The following SEMA3C variants were observed in gnomAD, a reference collection of about 807,000 sequenced individuals.
The protein encoded by SEMA3C is semaphorin-3C.
Under a neutral mutation model 89.4 loss-of-function variants are expected in SEMA3C, and 47 were observed. That is an observed-to-expected ratio of 0.53 (90% CI 0.42 to 0.67). SEMA3C has a LOEUF of 0.67. Among genes scored for constraint, SEMA3C ranks in the 30% least tolerant of loss-of-function variants. SEMA3C has a pLI of 0.00. For synonymous variants in SEMA3C, 310 were observed against 320.2 expected, an observed-to-expected ratio of 0.97 and a Z score of 0.34; for missense variants, 839 against 929.1, an observed-to-expected ratio of 0.90 and a Z score of 1.26.
intron 2 of SEMA3C, among the ~76,000 whole-genome samples, chr7:80,868,782 T>C (rs1020353102): frequency 1.3e-5 from 2 of 152,100 alleles, no homozygotes; most frequent in African/African-American, 2.4e-5. Flanking sequence ...AGCTGATTAC[T>C]GTGTGGTTAT....
At chr7:80,836,401 G>C (rs562858533) in intron 2 of SEMA3C, among the ~76,000 whole-genome samples, 29 of 152,306 alleles carry the variant, frequency 1.9e-4, no homozygotes, top group African/African-American at 7.0e-4. Flanking sequence ...AGCAGTGCTG[G>C]GCGCGGTGGC....
At chr7:80,822,496 G>A (rs1158859398) in intron 4 of SEMA3C, among the ~76,000 whole-genome samples, 1 of 152,062 alleles carries the variant, frequency 6.6e-6, no homozygotes, top group African/African-American at 2.4e-5. Context: ...AAGGGTTAGA[G>A]GATAACTGTG....
chr7:80,795,170 G>A (rs933435041), intron 11 of SEMA3C, among the ~76,000 whole-genome samples: 7 of 152,150 alleles, frequency 4.6e-5, no homozygotes, highest in East Asian at 1.9e-4. Flanking sequence ...TTGGCTGCAG[G>A]TGGTTCGGCT....
chr7:80,918,863 G>A lies in SEMA3C; in HGVS notation c.-74C>T, dbSNP rs1792340961. The A allele has an allele frequency of 3.0e-6, 3 of 985,478 alleles. No individual in the cohort carries two copies. The highest frequency in any genetic ancestry group is 3.6e-6 in the Non-Finnish European group (3 of 829,956). The allele number at this position is 985,478 out of a possible 1,614,324, so 61.0% of individuals were successfully genotyped here. ...AGAAATCAGCACGGAAAAGTCATCA[G>A]TTTGCTACCGGGGTTGGATGCGCTT... On this transcript the variant is annotated 5_prime_UTR_variant, in exon 1 of 18. Transcript: ENST00000265361.
intron 10 of SEMA3C, among the ~76,000 whole-genome samples, chr7:80,798,756 G>A (rs1278718083): frequency 6.6e-6 from 1 of 152,012 alleles, no homozygotes; most frequent in East Asian, 1.9e-4. Context: ...TCCCCTGTTG[G>A]TCACAGAACA....
intron 5 of SEMA3C, among the ~76,000 whole-genome samples, chr7:80,811,362 A>G (rs1406462485): frequency 6.6e-6 from 1 of 152,176 alleles, no homozygotes; most frequent in Non-Finnish European, 1.5e-5. Flanking sequence ...ATATGGAAAT[A>G]TGGAATATGT....
At chr7:80,919,306 C>T (rs1397488411), upstream of SEMA3C, 3 of 985,162 alleles carry the variant, frequency 3.0e-6, no homozygotes, top group Non-Finnish European at 3.6e-6. Flanking sequence ...AATGCGCGGC[C>T]GCAGGCTGGA....
At chr7:80,903,291 G>C (rs1449411616) in intron 2 of SEMA3C, among the ~76,000 whole-genome samples, 1 of 152,114 alleles carries the variant, frequency 6.6e-6, no homozygotes, top group Non-Finnish European at 1.5e-5. Context: ...AAATTCTGTA[G>C]GTAACTGTAA....
At chr7:80,855,263 C>T (rs1790610808) in intron 2 of SEMA3C, among the ~76,000 whole-genome samples, 1 of 152,098 alleles carries the variant, frequency 6.6e-6, no homozygotes, top group Admixed American at 6.5e-5. Flanking sequence ...AATGGATGGT[C>T]ATTCCACATA....
intron 2 of SEMA3C, among the ~76,000 whole-genome samples, chr7:80,905,272 G>GAGGGGGAGAT (rs1368803377): frequency 5.3e-5 from 1 of 18,926 alleles, no homozygotes; most frequent in Admixed American, 3.1e-4. Flanking sequence ...GAGGGAGAGA[G>GAGGGGGAGAT]AGGGGGAGAG....
At chr7:80,875,235 A>G (rs1316866899) in intron 2 of SEMA3C, among the ~76,000 whole-genome samples, 1 of 152,180 alleles carries the variant, frequency 6.6e-6, no homozygotes, top group Non-Finnish European at 1.5e-5. Flanking sequence ...TGATTCTTAG[A>G]TGCTTGTCCC....
rs778342903 is a variant in SEMA3C at position 80,828,765 on chromosome 7, A to G, written c.104-20T>C. On this transcript the variant is annotated intron_variant, in intron 2 of 17. Transcript: ENST00000265361. ...GAAGTTCTGAAAGAGTGAACAGCAC[A>G]AGTGTAGATACAGTATCCTGGTTCT... 5.7e-6 allele frequency: 9 copies of G among 1,579,730 alleles called. No homozygotes were observed. Among genetic ancestry groups the G allele is most frequent in the Non-Finnish European group, 7.8e-6 (9 of 1,157,720 alleles).
chr7:80,796,190 A>G (rs1337748508), intron 11 of SEMA3C, among the ~76,000 whole-genome samples: 1 of 152,204 alleles, frequency 6.6e-6, no homozygotes, highest in African/African-American at 2.4e-5. Context: ...TATTAAGATG[A>G]GTCTATGACT....
chr7:80,916,674 C>G lies in SEMA3C; in HGVS notation c.103+5G>C. On this transcript the variant is annotated splice_donor_5th_base_variant and intron_variant, in intron 2 of 17. Coordinates refer to ENST00000265361, the MANE Select transcript of SEMA3C (RefSeq NM_006379.5). ...TTTTCCCAGAGTGTTTATCAACTCTCTTACCATCAAATGTTAAATAAACTC... is the reference window on the plus strand; with the variant it reads ...TTTTCCCAGAGTGTTTATCAACTCTGTTACCATCAAATGTTAAATAAACTC... The G allele has an allele frequency of 6.2e-7, 1 of 1,608,540 alleles. No individual in the cohort carries two copies.
rs747245629 is a variant in SEMA3C, at chr7:80,804,241, C to G, written c.666G>C (p.Met222Ile). ...QHNSKWLSEP[M>I]FVDAHVIPDG... Reference sequence around the variant, plus strand: ...CTGGGATGACATGTGCATCTACAAACATAGGTTCTAGAAAAAAAGGTAAAA... The same window carrying G: ...CTGGGATGACATGTGCATCTACAAAGATAGGTTCTAGAAAAAAAGGTAAAA... The change falls in exon 8 of 18, where the codon ATG becomes ATC. Residue 222 changes from methionine (M) to isoleucine (I), a missense_variant. Met to Ile is a conservative substitution (Grantham distance 10). Coordinates refer to ENST00000265361, the MANE Select transcript of SEMA3C (RefSeq NM_006379.5). 2.6e-5 allele frequency: 41 copies of G among 1,592,962 alleles called. No individual in the cohort carries two copies. The highest frequency in any genetic ancestry group is 3.2e-5 in the Non-Finnish European group (38 of 1,170,320).
At chr7:80,865,733 A>G (rs1583957896) in intron 2 of SEMA3C, among the ~76,000 whole-genome samples, 1 of 152,188 alleles carries the variant, frequency 6.6e-6, no homozygotes, top group South Asian at 2.1e-4. Context: ...AGGGGGGGTT[A>G]CAGTGAGCAG....
At chr7:80,859,986 G>A (rs1295021638) in intron 2 of SEMA3C, among the ~76,000 whole-genome samples, 1 of 151,676 alleles carries the variant, frequency 6.6e-6, no homozygotes, top group Non-Finnish European at 1.5e-5. Flanking sequence ...TTTAAACTTG[G>A]GAAACAATAT....
chr7:80,861,499 G>T (rs913635005), intron 2 of SEMA3C, among the ~76,000 whole-genome samples: 1 of 152,046 alleles, frequency 6.6e-6, no homozygotes, highest in Non-Finnish European at 1.5e-5. Flanking sequence ...TTAATAAGAG[G>T]TTATTTGTGG....
At chr7:80,838,468 G>A (rs1451123600) in intron 2 of SEMA3C, among the ~76,000 whole-genome samples, 2 of 152,002 alleles carry the variant, frequency 1.3e-5, no homozygotes, top group Middle Eastern at 3.2e-3. Context: ...GGAAAAAGGG[G>A]TCTATGTAAA....
Sources: gnomAD v4.1 joint callset for allele counts (sites outside exome capture counted in the v4.1 genomes callset) on GRCh38, gnomAD v4.1.1 for gene constraint, MANE v1.5 for transcripts, NCBI Gene and HGNC (gene_info 2026-07-23, HGNC 2026-07-21) for gene names.